GOLGA4: variants seen among roughly 807,000 people sequenced by gnomAD.
GOLGA4 encodes the protein golgin subfamily A member 4.
Under a neutral mutation model 265.9 loss-of-function variants are expected in GOLGA4, and 169 were observed. That is an observed-to-expected ratio of 0.64 (90% confidence interval 0.56 to 0.72). The LOEUF is 0.72. GOLGA4 is among the 30% of genes least tolerant of loss of function. The pLI is 0.00. For missense variants in GOLGA4, 2,482 were observed against 2,483.4 expected (o/e 1.00, Z 0.01); for synonymous variants, 923 against 855.8 (o/e 1.08, Z -1.37).
intron 10 of GOLGA4, among the ~76,000 whole-genome samples, chr3:37,303,625 T>C (rs1325067997): frequency 6.6e-6 from 1 of 152,140 alleles, no homozygotes; most frequent in Non-Finnish European, 1.5e-5. Context: ...AAATAAGAAA[T>C]TGGAACATCT....
At chr3:37,291,851 C>A (rs372380953) in intron 5 of GOLGA4, among the ~76,000 whole-genome samples, 1 of 151,948 alleles carries the variant, frequency 6.6e-6, no homozygotes, top group Non-Finnish European at 1.5e-5. Flanking sequence ...AATATTAATA[C>A]TTATCAGAGT....
rs761979187 is a variant in GOLGA4 at position 37,294,969 on chromosome 3, T to C, written c.583-10T>C. On this transcript the variant is annotated splice_polypyrimidine_tract_variant and intron_variant, in intron 5 of 23. Transcript: ENST00000361924. The stretch of plus-strand genomic sequence containing the variant: ...ACTGAAAATTACCTGTAAATCATTT[T>C]ATGTTTTAGGAGCTCCAAATGGACC... 30 of 1,552,558 alleles carry C rather than the reference T, an allele frequency of 1.9e-5. No individual in the cohort carries two copies. In the East Asian group the frequency reaches 6.3e-4, roughly 33 times the overall value.
intron 7 of GOLGA4, 70 bp from the exon 8 acceptor site, chr3:37,298,763 A>G: frequency 1.0e-6 from 1 of 998,284 alleles, no homozygotes; most frequent in Non-Finnish European, 1.5e-6. Context: ...TGACTGTCTC[A>G]GTCATAATTT....
chr3:37,299,886 CAA>C (rs761312241), intron 9 of GOLGA4, among the ~76,000 whole-genome samples: 22 of 125,178 alleles, frequency 1.8e-4, no homozygotes, highest in Non-Finnish European at 1.9e-4. Context: ...CTCCTCTCTA[CAA>C]AAAAAAAAAA....
rs751765583 is a variant in GOLGA4 at position 37,324,290 on chromosome 3, G to A, written c.2404G>A (p.Val802Ile). The change falls in exon 14 of 24, where the codon GTT becomes ATT. Residue 802 changes from valine (V) to isoleucine (I), a missense_variant. By Grantham distance (29) the Val-to-Ile change is conservative. Coordinates refer to ENST00000361924, the MANE Select transcript of GOLGA4 (RefSeq NM_002078.5). ...ELQQASAKLD[V>I]FQSYQSATHE... ...CCAGCAGGCATCTGCTAAGCTGGAC[G>A]TTTTTCAGTCTTACCAGAGTGCCAC... 1.2e-5 allele frequency: 19 copies of A among 1,614,064 alleles called. No homozygotes were observed. Among genetic ancestry groups the A allele is most frequent in the South Asian group, 7.7e-5 (7 of 91,088 alleles).
intron 22 of GOLGA4, among the ~76,000 whole-genome samples, chr3:37,360,354 A>C (rs1310880064): frequency 2.0e-5 from 3 of 152,200 alleles, no homozygotes; most frequent in African/African-American, 4.8e-5. Flanking sequence ...AGACATAGGG[A>C]ACATCCATAT....
At chr3:37,312,523 C>CTTT (rs779584541) in intron 10 of GOLGA4, among the ~76,000 whole-genome samples, 3 of 139,052 alleles carry the variant, frequency 2.2e-5, no homozygotes, top group African/African-American at 2.6e-5. Context: ...GAATAGGAAT[C>CTTT]TTTTTTTTTT....
chr3:37,244,454 A>G (rs1001696670), intron 1 of GOLGA4, among the ~76,000 whole-genome samples: 6 of 152,214 alleles, frequency 3.9e-5, no homozygotes, highest in African/African-American at 7.2e-5. Flanking sequence ...ACAATTTCCT[A>G]AGCGTTCACT....
chr3:37,256,287 C>T (rs2096748467), intron 2 of GOLGA4, among the ~76,000 whole-genome samples: 2 of 151,990 alleles, frequency 1.3e-5, no homozygotes, highest in African/African-American at 4.8e-5. Context: ...ATTTGAGTGG[C>T]TTTGTTTCTG....
rs982394226 is a variant in GOLGA4, at chr3:37,302,080, T to G, written c.1087-105T>G. ...CTGGGATTATGGACATGAGTCACCA[T>G]GCACCATGCCCGGCCTTTTTCTGCC... On this transcript the variant is annotated intron_variant, in intron 9 of 23. Coordinates refer to ENST00000361924, the MANE Select transcript of GOLGA4 (RefSeq NM_002078.5). 1.5e-5 allele frequency: 14 copies of G among 926,410 alleles called. No individual in the cohort carries two copies. The Admixed American group carries it at 1.9e-4, about 13-fold the overall frequency. The allele number at this position is 926,410 out of a possible 1,614,324, so 57.4% of individuals were successfully genotyped here.
chr3:37,274,001 G>A (rs1287354197), intron 2 of GOLGA4, among the ~76,000 whole-genome samples: 1 of 151,308 alleles, frequency 6.6e-6, no homozygotes, highest in Non-Finnish European at 1.5e-5. Context: ...TTAGTTGGCT[G>A]AAGCGTGAGA....
Position 37,243,584 on chromosome 3 carries a change from G to GAGC in GOLGA4, c.44_46dup (p.Gln15dup), listed in dbSNP as rs2096708630. ...GAAACTGAAGCAAAAGATCAGCGAG[G>GAGC]AGCAGCAGCAGCTCCAGCAGGCGCT... On this transcript the variant is annotated inframe_insertion, in exon 1 of 24. Coordinates refer to ENST00000361924, the MANE Select transcript of GOLGA4 (RefSeq NM_002078.5). 1.2e-6 allele frequency: 2 copies of GAGC among 1,614,052 alleles called. No individual in the cohort carries two copies. Among genetic ancestry groups the GAGC allele is most frequent in the South Asian group, 1.1e-5 (1 of 91,078 alleles).
intron 14 of GOLGA4, 132 bp from the exon 15 acceptor site, chr3:37,328,280 ACTCT>A (rs5847960): frequency 0.3 from 207,077 of 682,452 alleles, 32,671 homozygotes; most frequent in Non-Finnish European, 0.36. Context: ...TCACTCTCAC[ACTCT>A]CTCTCTCTCT....
chr3:37,346,203 A>T (rs2097055730), intron 20 of GOLGA4, among the ~76,000 whole-genome samples: 1 of 152,166 alleles, frequency 6.6e-6, no homozygotes, highest in South Asian at 2.1e-4. Context: ...AGTGCATGTA[A>T]TGTACATGTA....
intron 2 of GOLGA4, chr3:37,275,966 G>T: frequency 1.2e-6 from 2 of 1,613,366 alleles, no homozygotes; most frequent in Non-Finnish European, 1.7e-6. Flanking sequence ...AAAGAAGAAA[G>T]AACCTGCAAT....
intron 22 of GOLGA4, among the ~76,000 whole-genome samples, chr3:37,358,330 T>A (rs2097095798): frequency 6.6e-6 from 1 of 152,236 alleles, no homozygotes; most frequent in Admixed American, 6.5e-5. Flanking sequence ...CTCTCTTCAG[T>A]GAGTTTTATA....
chr3:37,292,573 C>A (rs2150823860), intron 5 of GOLGA4, among the ~76,000 whole-genome samples: 1 of 152,186 alleles, frequency 6.6e-6, no homozygotes, highest in Admixed American at 6.5e-5. Flanking sequence ...GTAGTCCCAG[C>A]TACTCGGTAG....
chr3:37,249,396 CATTG>C (rs1490257777), intron 1 of GOLGA4, among the ~76,000 whole-genome samples: 1 of 152,104 alleles, frequency 6.6e-6, no homozygotes, highest in East Asian at 1.9e-4. Context: ...CTTTATTTCA[CATTG>C]ATTGATTTTC....
chr3:37,271,698 T>C (rs1427818291), intron 2 of GOLGA4, among the ~76,000 whole-genome samples: 1 of 152,152 alleles, frequency 6.6e-6, no homozygotes, highest in Non-Finnish European at 1.5e-5. Flanking sequence ...ATTTCAGAAG[T>C]TCTGTTCCAT....
Sources: allele counts gnomAD v4.1 joint callset (sites outside exome capture counted in the v4.1 genomes callset), GRCh38; gene constraint gnomAD v4.1.1; transcripts MANE v1.5; gene names NCBI Gene and HGNC (gene_info 2026-07-23, HGNC 2026-07-21).